The following MAGI2 variants were observed in gnomAD, a reference collection of about 807,000 sequenced individuals.
MAGI2 encodes the protein membrane-associated guanylate kinase, WW and PDZ domain-containing protein 2.
In MAGI2, 35 loss-of-function variants were observed where a neutral mutation model predicts 133.3. That is an observed-to-expected ratio of 0.26 (90% CI 0.20 to 0.35). MAGI2 has a LOEUF of 0.35. Among genes scored for constraint, MAGI2 ranks in the 10% least tolerant of loss-of-function variants. The probability of loss-of-function intolerance (pLI) is 1.00; values close to 1 mark genes in which losing one functional copy is unlikely to be tolerated. For missense variants in MAGI2, 1,636 were observed against 1,863.4 expected (o/e 0.88, Z 2.25); for synonymous variants, 729 against 710.6 (o/e 1.03, Z -0.41).
intron 1 of MAGI2, among the ~76,000 whole-genome samples, chr7:79,053,382 A>G (rs1007202905): frequency 1.3e-5 from 2 of 152,206 alleles, no homozygotes; most frequent in African/African-American, 2.4e-5. Flanking sequence ...TCCAAAAACA[A>G]ATACATGAAA....
chr7:78,587,201 T>G (rs951358012), intron 3 of MAGI2, among the ~76,000 whole-genome samples: 1 of 152,224 alleles, frequency 6.6e-6, no homozygotes, highest in Non-Finnish European at 1.5e-5. Flanking sequence ...TCACCAGAAA[T>G]GTACAAGAGT....
At chr7:78,081,543 G>A (rs899561501) in intron 20 of MAGI2, among the ~76,000 whole-genome samples, 1 of 152,138 alleles carries the variant, frequency 6.6e-6, no homozygotes, top group African/African-American at 2.4e-5. Context: ...GTGACATATC[G>A]GTTGAGTTTT....
intron 1 of MAGI2, among the ~76,000 whole-genome samples, chr7:79,193,135 G>C (rs1008532725): frequency 6.6e-6 from 1 of 151,882 alleles, no homozygotes; most frequent in Non-Finnish European, 1.5e-5. Flanking sequence ...ATCCAGATAG[G>C]ACACACTTTC....
intron 6 of MAGI2, among the ~76,000 whole-genome samples, chr7:78,388,535 G>A (rs909421598): frequency 8.5e-5 from 13 of 152,166 alleles, no homozygotes; most frequent in African/African-American, 3.1e-4. Context: ...TATTAAGTAG[G>A]AGGAGACTTT....
chr7:79,265,308 C>T (rs1350754300), intron 1 of MAGI2, among the ~76,000 whole-genome samples: 1 of 152,130 alleles, frequency 6.6e-6, no homozygotes, highest in Admixed American at 6.6e-5. Context: ...GATGGTAATA[C>T]ACATGAAAGT....
intron 1 of MAGI2, among the ~76,000 whole-genome samples, chr7:79,061,100 T>C (rs538617211): frequency 6.6e-6 from 1 of 152,218 alleles, no homozygotes; most frequent in South Asian, 2.1e-4. Flanking sequence ...TATTTTCATT[T>C]AGGGTGGATG....
chr7:78,653,365 G>C (rs1811782992), intron 2 of MAGI2, among the ~76,000 whole-genome samples: 1 of 152,146 alleles, frequency 6.6e-6, no homozygotes, highest in South Asian at 2.1e-4. Flanking sequence ...GTTCACAATA[G>C]CAAAGACTTG....
intron 1 of MAGI2, among the ~76,000 whole-genome samples, chr7:79,377,564 A>G (rs1843462997): frequency 6.6e-6 from 1 of 151,928 alleles, no homozygotes; most frequent in Non-Finnish European, 1.5e-5. Flanking sequence ...AGATAAGAAA[A>G]GAATGCCAAA....
chr7:78,139,195 G>C (rs1389631525), intron 16 of MAGI2, among the ~76,000 whole-genome samples: 1 of 152,172 alleles, frequency 6.6e-6, no homozygotes, highest in Non-Finnish European at 1.5e-5. Flanking sequence ...GTTTAAAAAT[G>C]TATCTTCAGT....
chr7:78,754,818 A>G (rs1030415646), intron 2 of MAGI2, among the ~76,000 whole-genome samples: 3 of 152,212 alleles, frequency 2.0e-5, no homozygotes, highest in African/African-American at 7.2e-5. Context: ...TTCCTTCACC[A>G]CTTGCATCTT....
chr7:78,507,173 G>A (rs1439615909), intron 4 of MAGI2, among the ~76,000 whole-genome samples: 1 of 152,032 alleles, frequency 6.6e-6, no homozygotes, highest in Non-Finnish European at 1.5e-5. Context: ...GCAATAAGTA[G>A]CACCTACCTC....
intron 2 of MAGI2, among the ~76,000 whole-genome samples, chr7:78,748,286 A>T (rs1440389267): frequency 1.3e-5 from 2 of 152,198 alleles, no homozygotes; most frequent in African/African-American, 4.8e-5. Flanking sequence ...TTAGTTTGGT[A>T]ATTGGCCATG....
At chr7:79,058,100 A>AG (rs147810210) in intron 1 of MAGI2, among the ~76,000 whole-genome samples, 39 of 152,044 alleles carry the variant, frequency 2.6e-4, no homozygotes, top group Non-Finnish European at 4.4e-4. Flanking sequence ...AGTGGTGGAG[A>AG]GGGGGGAAGA....
At chr7:78,987,485 C>T (rs548257264) in intron 2 of MAGI2, among the ~76,000 whole-genome samples, 1 of 152,080 alleles carries the variant, frequency 6.6e-6, no homozygotes, top group East Asian at 1.9e-4. Flanking sequence ...ATCATCAATA[C>T]AGGATAAAAA....
At chr7:78,836,323 A>C (rs1411533) in intron 2 of MAGI2, among the ~76,000 whole-genome samples, 1 of 151,760 alleles carries the variant, frequency 6.6e-6, no homozygotes, top group Non-Finnish European at 1.5e-5. Context: ...TCTTAGTCCA[A>C]TGTTTTTCTT....
rs138663616 is a variant in MAGI2, at chr7:78,308,156, G to C, written c.1408+35622C>G. 4.3e-4 allele frequency among the ~76,000 whole-genome samples: 65 copies of C among 152,314 alleles called. 1 individual carries two copies. In the Middle Eastern group the frequency reaches 0.014, roughly 32 times the overall value. On this transcript the variant is annotated intron_variant, in intron 9 of 21. Coordinates refer to ENST00000354212, the MANE Select transcript of MAGI2 (RefSeq NM_012301.4). ...TCACTGTCAATGTTATTCAGTGCCA[G>C]TGCCATTCTAATGGGGGATGTGATA...
intron 2 of MAGI2, among the ~76,000 whole-genome samples, chr7:78,645,481 G>T (rs979712575): frequency 2.6e-5 from 4 of 152,126 alleles, no homozygotes; most frequent in Admixed American, 2.6e-4. Flanking sequence ...CTTTTACAAA[G>T]TATGCAAAGT....
intron 3 of MAGI2, among the ~76,000 whole-genome samples, chr7:78,535,325 G>T (rs1383575265): frequency 6.6e-6 from 1 of 152,126 alleles, no homozygotes. Flanking sequence ...GTTTGTTAAA[G>T]ATTTGGGTCA....
At chr7:78,841,601 T>A (rs1324619838) in intron 2 of MAGI2, among the ~76,000 whole-genome samples, 1 of 152,024 alleles carries the variant, frequency 6.6e-6, no homozygotes, top group South Asian at 2.1e-4. Flanking sequence ...CTCTCCTAAG[T>A]TGCAGATCCA....
Sources: gnomAD v4.1 joint callset for allele counts (sites outside exome capture counted in the v4.1 genomes callset) on GRCh38, gnomAD v4.1.1 for gene constraint, MANE v1.5 for transcripts, NCBI Gene and HGNC (gene_info 2026-07-23, HGNC 2026-07-21) for gene names.